STIMATE: variants seen among roughly 807,000 people sequenced by gnomAD.
STIMATE encodes store-operated calcium entry regulator STIMATE.
STIMATE carries 15 observed loss-of-function variants against 36.7 expected under a neutral mutation model. That is an observed-to-expected ratio of 0.41 (90% CI 0.27 to 0.63). The LOEUF (loss-of-function observed/expected upper bound fraction) is 0.63. Ranked by LOEUF, STIMATE falls within the 20% of genes least tolerant of loss-of-function variation. The pLI, the probability that STIMATE is intolerant of heterozygous loss-of-function variation, is 0.32. For missense variants in STIMATE, 305 were observed against 397.3 expected, an observed-to-expected ratio of 0.77 and a Z score of 1.98; for synonymous variants, 163 against 162.3, an observed-to-expected ratio of 1.00 and a Z score of -0.03.
intron 1 of STIMATE, among the ~76,000 whole-genome samples, chr3:52,890,255 C>T (rs1360123896): frequency 6.6e-6 from 1 of 152,260 alleles, no homozygotes; most frequent in Non-Finnish European, 1.5e-5. Flanking sequence ...GTCAAGGAAA[C>T]ATCCAATAGC....
At chr3:52,851,284 A>C (rs1321711646) in intron 3 of STIMATE, among the ~76,000 whole-genome samples, 4 of 152,222 alleles carry the variant, frequency 2.6e-5, no homozygotes, top group African/African-American at 9.6e-5. Context: ...GTGGGAGACA[A>C]GGGCACTGGG....
At chr3:52,888,010 T>TG (rs1332026266) in intron 1 of STIMATE, among the ~76,000 whole-genome samples, 2 of 142,014 alleles carry the variant, frequency 1.4e-5, no homozygotes, top group African/African-American at 5.2e-5. Flanking sequence ...TTTTTTTTTT[T>TG]TTTTTTTTTT....
intron 3 of STIMATE, 81 bp downstream of exon 3, chr3:52,852,522 G>A: frequency 6.4e-7 from 1 of 1,564,826 alleles, no homozygotes; most frequent in African/African-American, 1.4e-5. Context: ...GAGGGAGCAG[G>A]ACCAGCAGCA....
Position 52,897,474 on chromosome 3 carries a change from G to C in STIMATE, c.-24C>G. 6.3e-6 allele frequency: 8 copies of C among 1,278,904 alleles called. No homozygotes were observed. Among genetic ancestry groups the C allele is most frequent in the Non-Finnish European group, 7.9e-6 (8 of 1,015,150 alleles). The allele number at this position is 1,278,904 out of a possible 1,614,324, so 79.2% of individuals were successfully genotyped here. ...ATGACAGGCCTCGCGGGAGGGGCGCGAGGGCCCAGGGCCCGCCCGGCCTCG... is the reference window on the plus strand; with the variant it reads ...ATGACAGGCCTCGCGGGAGGGGCGCCAGGGCCCAGGGCCCGCCCGGCCTCG... On this transcript the variant is annotated 5_prime_UTR_variant, in exon 1 of 8. Coordinates refer to ENST00000355083, the MANE Select transcript of STIMATE (RefSeq NM_198563.5).
chr3:52,859,198 A>G (rs867031292), intron 1 of STIMATE, among the ~76,000 whole-genome samples: 38 of 150,482 alleles, frequency 2.5e-4, no homozygotes, highest in African/African-American at 8.2e-4. Flanking sequence ...AATAAAATAA[A>G]ATAAAAAACA....
At chr3:52,850,096 C>T (rs112900810) in intron 3 of STIMATE, among the ~76,000 whole-genome samples, 183 bp from the exon 4 acceptor site, 42 of 152,316 alleles carry the variant, frequency 2.8e-4, no homozygotes, top group African/African-American at 8.7e-4. Flanking sequence ...ATCAGGAGTG[C>T]GACCACCTGA....
In STIMATE at chr3:52,881,573, G is replaced by A. The variant is rs1263149926; in HGVS notation, c.160+15718C>T. ...CAGAAATTAGCTGGGCGTGGTGGTG[G>A]GTGCCTGTATCCCAGCTACTTGGGA... On this transcript the variant is annotated intron_variant, in intron 1 of 7. Transcript: ENST00000355083. Among the ~76,000 whole-genome samples the A allele has an allele frequency of 4.6e-5, 7 of 151,914 alleles. No individual in the cohort carries two copies. In the East Asian group the frequency reaches 9.8e-4, roughly 21 times the overall value.
chr3:52,848,016 A>G (rs1431431572), intron 4 of STIMATE: 1 of 157,678 alleles, frequency 6.3e-6, no homozygotes, highest in Non-Finnish European at 1.4e-5. Context: ...AGCCAGCCCC[A>G]TTGACACTGG....
In STIMATE at chr3:52,840,258, G is replaced by T; in HGVS notation, c.*236C>A. ...CTCCTTCCTTGCATATTTGGTCAGT[G>T]TTTGTAGTGCAACTGAATGGGGACC... On this transcript the variant is annotated 3_prime_UTR_variant, in exon 8 of 8. Transcript: ENST00000355083. The T allele has an allele frequency of 2.2e-6, 1 of 463,652 alleles. No individual in the cohort carries two copies. Among genetic ancestry groups the T allele is most frequent in the East Asian group, 3.7e-5 (1 of 26,772 alleles). 28.7% of individuals were successfully genotyped at this position (463,652 alleles called of 1,614,324 possible).
chr3:52,887,416 C>T (rs1701705336), intron 1 of STIMATE, among the ~76,000 whole-genome samples: 2 of 152,238 alleles, frequency 1.3e-5, no homozygotes, highest in African/African-American at 2.4e-5. Context: ...TTCTGTACCA[C>T]ACAGACTGGA....
At position 52,839,653 on chromosome 3, in the gene STIMATE, T is replaced by C. The variant is rs1700761985; in HGVS notation, c.*841A>G. ...TTGGGTCTGACCTTCACAGAACCAT[T>C]GGGTTTGCTGATTCTAGAGAAGGGC... On this transcript the variant is annotated 3_prime_UTR_variant, in exon 8 of 8. Transcript: ENST00000355083. 6.6e-6 allele frequency: 1 copy of C among 152,162 alleles called. No individual in the cohort carries two copies. The highest frequency in any genetic ancestry group is 1.5e-5 in the Non-Finnish European group (1 of 68,036). 9.4% of individuals were successfully genotyped at this position (152,162 alleles called of 1,614,324 possible).
At chr3:52,863,937 C>T (rs1181022045) in intron 1 of STIMATE, among the ~76,000 whole-genome samples, 1 of 152,260 alleles carries the variant, frequency 6.6e-6, no homozygotes, top group Non-Finnish European at 1.5e-5. Flanking sequence ...GGCAGCTCCA[C>T]CCCTGTGGCT....
At chr3:52,864,101 C>A (rs1356167435) in intron 1 of STIMATE, among the ~76,000 whole-genome samples, 1 of 152,216 alleles carries the variant, frequency 6.6e-6, no homozygotes, top group Non-Finnish European at 1.5e-5. Flanking sequence ...AGGCGGTACC[C>A]CAGTGGGGAC....
chr3:52,891,164 C>T (rs1010640731), intron 1 of STIMATE, among the ~76,000 whole-genome samples: 7 of 152,030 alleles, frequency 4.6e-5, no homozygotes, highest in Admixed American at 2.0e-4. Flanking sequence ...GCCACAGATA[C>T]GGAGTAATCA....
At chr3:52,856,073 G>C (rs1333089096) in intron 1 of STIMATE, among the ~76,000 whole-genome samples, 1 of 152,218 alleles carries the variant, frequency 6.6e-6, no homozygotes, top group Admixed American at 6.5e-5. Flanking sequence ...AGCCCTGAAG[G>C]CTGGGTAAGA....
intron 3 of STIMATE, 58 bp from the exon 4 acceptor site, chr3:52,849,971 G>A: frequency 6.4e-7 from 1 of 1,574,518 alleles, no homozygotes; most frequent in Non-Finnish European, 8.7e-7. Flanking sequence ...AGAGGTCATG[G>A]CTGATGCAGG....
Position 52,837,161 on chromosome 3 carries a change from G to A in STIMATE, c.*3333C>T, listed in dbSNP as rs1700717945. 1 of 153,526 alleles carries A rather than the reference G, an allele frequency of 6.5e-6. No homozygotes were observed. The highest frequency in any genetic ancestry group is 1.5e-5 in the Non-Finnish European group (1 of 68,932). The allele number at this position is 153,526 out of a possible 1,614,324, so 9.5% of individuals were successfully genotyped here. On this transcript the variant is annotated 3_prime_UTR_variant, in exon 8 of 8. Coordinates refer to ENST00000355083, the MANE Select transcript of STIMATE (RefSeq NM_198563.5). ...ACAAGGCAGCTGCTCTGGCCAGTGG[G>A]AAGCTCCTTGCACTGCCTATCTTAG...
chr3:52,864,124 C>A lies in STIMATE; in HGVS notation c.161-8680G>T, dbSNP rs958691314. Among the ~76,000 whole-genome samples the A allele has an allele frequency of 1.2e-4, 18 of 152,344 alleles. 1 individual carries two copies. The South Asian group carries it at 1.9e-3, about 16-fold the overall frequency. ...CCCCAGTGGGGACTCCGTGTGGGGG[C>A]TCCGACCTCACATCTCCCTTCCACA... On this transcript the variant is annotated intron_variant, in intron 1 of 7. Coordinates refer to ENST00000355083, the MANE Select transcript of STIMATE (RefSeq NM_198563.5).
intron 1 of STIMATE, among the ~76,000 whole-genome samples, chr3:52,860,820 G>T (rs1166249745): frequency 6.6e-6 from 1 of 152,224 alleles, no homozygotes; most frequent in African/African-American, 2.4e-5. Flanking sequence ...GACTCGGGAG[G>T]TGGGAGTTTA....
Sources: gnomAD v4.1 joint callset for allele counts (sites outside exome capture counted in the v4.1 genomes callset) on GRCh38, gnomAD v4.1.1 for gene constraint, MANE v1.5 for transcripts, NCBI Gene and HGNC (gene_info 2026-07-23, HGNC 2026-07-21) for gene names.